Variants in ARAP1 observed in about 807,000 individuals in gnomAD.
ARAP1 encodes ArfGAP with RhoGAP domain, ankyrin repeat and PH domain 1, also known as arf-GAP with Rho-GAP domain, ANK repeat and PH domain-containing protein 1.
ARAP1 carries 76 observed loss-of-function variants against 172.2 expected under a neutral mutation model. The ratio of observed to expected loss-of-function variants is 0.44; its 90% CI spans 0.37 to 0.53. The LOEUF is 0.53. Ranked by LOEUF, ARAP1 falls within the 20% of genes least tolerant of loss-of-function variation. The pLI is 0.00. For synonymous variants in ARAP1, 804 were observed against 803.3 expected (o/e 1.00, Z -0.01); for missense variants, 1,686 against 1,977.5 (o/e 0.85, Z 2.80).
intron 3 of ARAP1, among the ~76,000 whole-genome samples, chr11:72,719,371 G>A (rs552654919): frequency 5.3e-5 from 8 of 152,354 alleles, no homozygotes; most frequent in East Asian, 1.9e-4. Context: ...CCTGTCCCAC[G>A]TCAAATGAGA....
intron 3 of ARAP1, chr11:72,722,235 ATGTG>A: frequency 2.0e-6 from 2 of 984,492 alleles, no homozygotes; most frequent in Non-Finnish European, 2.4e-6. Context: ...GTCTGTGTGT[ATGTG>A]TGTGTGTATG....
chr11:72,712,975 C>T, intron 5 of ARAP1: 2 of 634,262 alleles, frequency 3.2e-6, no homozygotes, highest in South Asian at 2.0e-5. Context: ...GGGAGCCACA[C>T]CAGAGCCCCG....
At position 72,695,194 on chromosome 11, in the gene ARAP1, G is replaced by GGACTCCAGAAGGGCCTGAGAA; in HGVS notation, c.3577-98_3577-97insTTCTCAGGCCCTTCTGGAGTC. ...TCAGAGCCTGAGCCCATCCTTCTCA[G>GGACTCCAGAAGGGCCTGAGAA]GCCCTTCTGGAGTCCTGGGATAGAG... On this transcript the variant is annotated intron_variant, in intron 26 of 34. Transcript: ENST00000393609. The surrounding 1 kb of genome is among the most constrained non-coding windows in gnomAD (Gnocchi z 4.4). 7.0e-7 allele frequency: 1 copy of GGACTCCAGAAGGGCCTGAGAA among 1,423,404 alleles called. No individual in the cohort carries two copies. The highest frequency in any genetic ancestry group is 1.4e-5 in the African/African-American group (1 of 71,182). 88.2% of individuals were successfully genotyped at this position (1,423,404 alleles called of 1,614,324 possible). A position where few individuals can be genotyped will look rare whatever the true frequency, so the allele number is the denominator to read the frequency against.
chr11:72,697,240 T>C (rs766654494), intron 21 of ARAP1, 45 bp from the exon 22 acceptor site: 2 of 1,577,458 alleles, frequency 1.3e-6, no homozygotes, highest in Non-Finnish European at 8.6e-7. Flanking sequence ...AGGCATAGAG[T>C]CATGGGGCGG....
At position 72,685,541 on chromosome 11, in the gene ARAP1, G is replaced by GGT; in HGVS notation, c.*121_*122dup. 2.2e-6 allele frequency: 3 copies of GGT among 1,347,364 alleles called. No individual in the cohort carries two copies. The allele number at this position is 1,347,364 out of a possible 1,614,324, so 83.5% of individuals were successfully genotyped here. ...TGCTGCAGTCAGGATGGAGGATGTG[G>GGT]GTTGTGGGGTGCAGTTTCCCATGCA... On this transcript the variant is annotated 3_prime_UTR_variant, in exon 35 of 35. Coordinates refer to ENST00000393609, the MANE Select transcript of ARAP1 (RefSeq NM_001040118.3).
rs2306615 is a variant in ARAP1 at position 72,704,284 on chromosome 11, G to A, written c.1860C>T (p.Asn620=). 153,962 of 1,611,302 alleles carry A rather than the reference G, an allele frequency of 0.096. 8,117 individuals carry two copies. Among genetic ancestry groups the A allele is most frequent in the East Asian group, 0.15 (6,942 of 44,838 alleles). ...GCTGCAGGGCCTCACTGGGGGGCACGTTGGCTGCCCAGAAGCGGTTCCCAG... is the reference window on the plus strand; with the variant it reads ...GCTGCAGGGCCTCACTGGGGGGCACATTGGCTGCCCAGAAGCGGTTCCCAG... The part of the protein sequence containing the change: ...NGAGNRFWAA[N]VPPSEALQPS... Residue 620 remains asparagine, a synonymous_variant, in exon 14 of 35, where the codon AAC becomes AAT. Coordinates refer to ENST00000393609, the MANE Select transcript of ARAP1 (RefSeq NM_001040118.3).
At chr11:72,707,101 G>T in intron 12 of ARAP1, 74 bp downstream of exon 12, 1 of 1,429,730 alleles carries the variant, frequency 7.0e-7, no homozygotes, top group Non-Finnish European at 9.4e-7. Context: ...CCCTCCTCCA[G>T]ATAGGATACC....
intron 22 of ARAP1, 161 bp downstream of exon 22, chr11:72,696,822 C>A (rs1163483401): frequency 1.1e-5 from 11 of 972,570 alleles, no homozygotes; most frequent in Non-Finnish European, 1.6e-5. Context: ...TTCCAGGGCC[C>A]CTGGCTCTGT....
chr11:72,686,328 G>A (rs1855682939), intron 33 of ARAP1, 137 bp from the exon 34 acceptor site: 1 of 1,186,210 alleles, frequency 8.4e-7, no homozygotes, highest in Admixed American at 2.6e-5. Flanking sequence ...CCGCCGATAT[G>A]AGAAGCAGCT....
At chr11:72,698,375 C>T (rs1028347248) in intron 18 of ARAP1, among the ~76,000 whole-genome samples, 2 of 152,232 alleles carry the variant, frequency 1.3e-5, no homozygotes, top group African/African-American at 4.8e-5. Flanking sequence ...TTCTTGCCCT[C>T]TGTTGTGGCA....
In ARAP1 at chr11:72,696,577, C is replaced by T; in HGVS notation, c.3244G>A (p.Val1082Met). The change falls in exon 23 of 35, where the codon GTG (valine) becomes ATG (methionine). Residue 1082 changes from valine to methionine, a missense_variant. Coordinates refer to ENST00000393609, the MANE Select transcript of ARAP1 (RefSeq NM_001040118.3). ...TACAGGTGGCTGATAAGGGCCTTCA[C>T]TGTGGCCCGGTTGACAGGGGGCAGC... ...VRLPPVNRAT[V>M]KALISHLYCV... is the part of the protein sequence containing the mutation. The T allele has an allele frequency of 1.2e-6, 2 of 1,600,660 alleles. No homozygotes were observed. The highest frequency in any genetic ancestry group is 1.7e-6 in the Non-Finnish European group (2 of 1,171,454).
chr11:72,712,973 C>T, intron 5 of ARAP1: 1 of 632,224 alleles, frequency 1.6e-6, no homozygotes, highest in Non-Finnish European at 2.8e-6. Flanking sequence ...GGGGGAGCCA[C>T]ACCAGAGCCC....
Position 72,738,910 on chromosome 11 carries a change from C to A in ARAP1, c.-127-6313G>T, listed in dbSNP as rs375019885. ...TGTGCAACAACCCCACAGCCCAATA[C>A]CCCACCCTTGGCCCCCTCCCCGGCC... is the stretch of plus-strand genomic sequence containing the variant. On this transcript the variant is annotated intron_variant, in intron 1 of 34. Coordinates refer to ENST00000393609, the MANE Select transcript of ARAP1 (RefSeq NM_001040118.3). Among the ~76,000 whole-genome samples the A allele has an allele frequency of 3.3e-5, 5 of 152,312 alleles. No homozygotes were observed. The East Asian group carries it at 9.6e-4, about 29-fold the overall frequency.
chr11:72,696,064 C>G (rs1856175364), intron 23 of ARAP1, among the ~76,000 whole-genome samples, 199 bp from the exon 24 acceptor site: 11 of 152,108 alleles, frequency 7.2e-5, no homozygotes, highest in Admixed American at 7.2e-4. Context: ...ACAAGGTACC[C>G]TGGCCCCAGT....
In ARAP1 at chr11:72,726,478, T is replaced by C. The variant is rs1008847544; in HGVS notation, c.509+142A>G. 2.6e-6 allele frequency: 3 copies of C among 1,162,636 alleles called. No homozygotes were observed. Among genetic ancestry groups the C allele is most frequent in the Middle Eastern group, 3.0e-4 (1 of 3,340 alleles). 72.0% of individuals were successfully genotyped at this position (1,162,636 alleles called of 1,614,324 possible). A position where few individuals can be genotyped will look rare whatever the true frequency, so the allele number is the denominator to read the frequency against. On this transcript the variant is annotated intron_variant, in intron 3 of 34. Transcript: ENST00000393609. This position sits in a 1 kb window ranked among gnomAD's most constrained non-coding sequence, Gnocchi z 6.5. ...CTCCTGAGTCACCAGACAGCAATCC[T>C]GTCCTCCGAGCTTTGCACACGCTGT...
At chr11:72,692,634 G>T in intron 30 of ARAP1, 119 bp downstream of exon 30, 1 of 1,340,392 alleles carries the variant, frequency 7.5e-7, no homozygotes. Context: ...ACGGGCAAGG[G>T]GGCAGGGATC....
At chr11:72,721,127 T>C (rs1360729666) in intron 3 of ARAP1, among the ~76,000 whole-genome samples, 1 of 152,002 alleles carries the variant, frequency 6.6e-6, no homozygotes, top group Non-Finnish European at 1.5e-5. Context: ...CTGGGCCCTA[T>C]GGAAAAGATG....
chr11:72,736,819 C>T (rs966498422), intron 1 of ARAP1, among the ~76,000 whole-genome samples: 6 of 152,168 alleles, frequency 3.9e-5, no homozygotes, highest in East Asian at 1.9e-4. Flanking sequence ...CGTTTACAGA[C>T]GAAGAAACAA....
In ARAP1 at chr11:72,693,557, C is replaced by T. The variant is rs1040779599; in HGVS notation, c.3809-87G>A. ...GGATGAAGGAAGCTGCCCCATCCTG[C>T]CCCAGCCTCTCCATAGAGGCCCACC... On this transcript the variant is annotated intron_variant, in intron 28 of 34. Coordinates refer to ENST00000393609, the MANE Select transcript of ARAP1 (RefSeq NM_001040118.3). The surrounding 1 kb of genome is among the most constrained non-coding windows in gnomAD (Gnocchi z 4.6). 6.4e-7 allele frequency: 1 copy of T among 1,553,182 alleles called. No homozygotes were observed. Among genetic ancestry groups the T allele is most frequent in the Non-Finnish European group, 8.7e-7 (1 of 1,146,488 alleles).
Sources: allele counts gnomAD v4.1 joint callset (sites outside exome capture counted in the v4.1 genomes callset), GRCh38; gene constraint gnomAD v4.1.1; non-coding constraint Gnocchi (gnomAD v3.1); transcripts MANE v1.5; gene names NCBI Gene and HGNC (gene_info 2026-07-23, HGNC 2026-07-21).